Variants in COL19A1 observed in about 807,000 individuals in gnomAD.
COL19A1 encodes collagen alpha-1(XIX) chain.
COL19A1 carries 159 observed loss-of-function variants against 190.2 expected under a neutral mutation model. The ratio of observed to expected loss-of-function variants is 0.84; its 90% CI spans 0.73 to 0.95. The LOEUF is 0.95. Among genes scored for constraint, COL19A1 ranks in the 40% least tolerant of loss-of-function variants. COL19A1 has a pLI of 0.00. For missense variants in COL19A1, 1,418 were observed against 1,431.9 expected (o/e 0.99, Z 0.16); for synonymous variants, 509 against 458.9 (o/e 1.11, Z -1.39).
intron 15 of COL19A1, among the ~76,000 whole-genome samples, chr6:70,089,665 A>G (rs1226430327): frequency 6.6e-6 from 1 of 152,188 alleles, no homozygotes; most frequent in Non-Finnish European, 1.5e-5. Context: ...AAATGTGATG[A>G]CATATGCTTC....
intron 17 of COL19A1, among the ~76,000 whole-genome samples, chr6:70,126,202 C>A: frequency 6.6e-6 from 1 of 151,088 alleles, no homozygotes; most frequent in East Asian, 1.9e-4. Flanking sequence ...TTTCTTTTCA[C>A]ATATTAAATC....
chr6:70,122,004 A>G, intron 17 of COL19A1, 62 bp downstream of exon 17: 2 of 1,118,194 alleles, frequency 1.8e-6, no homozygotes, highest in Non-Finnish European at 2.6e-6. Context: ...TGTATTTTTG[A>G]AAAAAAACTT....
chr6:70,010,408 G>T (rs986056654), intron 11 of COL19A1, among the ~76,000 whole-genome samples: 4 of 142,436 alleles, frequency 2.8e-5, no homozygotes, highest in Non-Finnish European at 6.2e-5. Flanking sequence ...CAGCGTGAGC[G>T]ACGCAGAAGA....
At chr6:69,903,677 GGACCAA>G (rs1770335157) in intron 4 of COL19A1, among the ~76,000 whole-genome samples, 1 of 152,130 alleles carries the variant, frequency 6.6e-6, no homozygotes, top group South Asian at 2.1e-4. Flanking sequence ...TCCATAGCTG[GGACCAA>G]AAGCCTACTG....
chr6:70,141,428 G>A (rs1365609174), intron 20 of COL19A1, among the ~76,000 whole-genome samples: 2 of 151,932 alleles, frequency 1.3e-5, no homozygotes, highest in Non-Finnish European at 2.9e-5. Context: ...ATCCTCTTTT[G>A]TATAACCTTA....
chr6:70,024,910 G>A (rs1778645204), intron 12 of COL19A1, among the ~76,000 whole-genome samples: 1 of 152,170 alleles, frequency 6.6e-6, no homozygotes, highest in Admixed American at 6.5e-5. Context: ...GAGGCACGTG[G>A]TGAAGTGGGA....
chr6:69,867,166 G>A (rs1002678646), intron 1 of COL19A1, among the ~76,000 whole-genome samples: 1 of 151,402 alleles, frequency 6.6e-6, no homozygotes, highest in African/African-American at 2.4e-5. Context: ...GCTAAGAGAC[G>A]CGGGGTTCCG....
chr6:70,155,610 G>T (rs1354102507), intron 31 of COL19A1, among the ~76,000 whole-genome samples: 1 of 152,142 alleles, frequency 6.6e-6, no homozygotes, highest in Non-Finnish European at 1.5e-5. Flanking sequence ...TCTCTCGAGT[G>T]CCTCCACTGA....
intron 45 of COL19A1, 32 bp downstream of exon 45, chr6:70,184,770 T>C (rs1356196346): frequency 6.2e-7 from 1 of 1,602,052 alleles, no homozygotes; most frequent in African/African-American, 1.3e-5. Flanking sequence ...ATAAAAGTTA[T>C]AATGCATACT....
chr6:69,929,809 A>T (rs1562008370), intron 6 of COL19A1, 109 bp downstream of exon 6: 3 of 996,188 alleles, frequency 3.0e-6, no homozygotes, highest in Non-Finnish European at 4.2e-6. Flanking sequence ...CCTTCTCATC[A>T]ATTTTATTAA....
In COL19A1 at chr6:70,207,184, A is replaced by C. The variant is rs1200576; in HGVS notation, c.3339A>C (p.Pro1113=). Reference sequence around the variant, plus strand: ...CAGGCTCACCAGGTGCCCCAGGCCCACAGGGCCCCCCAGGACCCAGTGGAA... The same window carrying C: ...CAGGCTCACCAGGTGCCCCAGGCCCCCAGGGCCCCCCAGGACCCAGTGGAA... ...GLPGSPGAPG[P]QGPPGPSGRC... is the part of the protein sequence containing the mutation. The change falls in exon 51 of 51, where the codon CCA becomes CCC. Residue 1113 remains proline, a synonymous_variant. Transcript: ENST00000620364. 0.73 allele frequency: 1,170,730 copies of C among 1,613,436 alleles called. 426,361 individuals carry two copies. The highest frequency in any genetic ancestry group is 0.84 in the Admixed American group (50,397 of 59,936).
Position 70,206,920 on chromosome 6 carries a change from A to G in COL19A1, c.3243A>G (p.Gly1081=), listed in dbSNP as rs771825291. 6 of 1,613,690 alleles carry G rather than the reference A, an allele frequency of 3.7e-6. No individual in the cohort carries two copies. The highest frequency in any genetic ancestry group is 5.1e-6 in the Non-Finnish European group (6 of 1,179,866). The change falls in exon 50 of 51, where the codon GGA becomes GGG. Residue 1081 remains glycine, a synonymous_variant. Coordinates refer to ENST00000620364, the MANE Select transcript of COL19A1 (RefSeq NM_001858.6). ...PGPQGYRGQK[G]ERGEPGIGLP... ...ACTTAGGCTACAGAGGACAGAAGGG[A>G]GAAAGAGGTGAACCTGGAATTGGGC... is the stretch of plus-strand genomic sequence containing the variant.
At chr6:70,171,294 C>G (rs900998362) in intron 40 of COL19A1, among the ~76,000 whole-genome samples, 14 of 152,118 alleles carry the variant, frequency 9.2e-5, no homozygotes, top group African/African-American at 3.4e-4. Context: ...TCAGAGTTAG[C>G]AACTTCCTTC....
intron 11 of COL19A1, among the ~76,000 whole-genome samples, chr6:69,967,017 G>A (rs1775152453): frequency 6.6e-6 from 1 of 152,152 alleles, no homozygotes; most frequent in African/African-American, 2.4e-5. Context: ...CTTTTAAAAT[G>A]ATGATTATTT....
At chr6:70,088,793 T>C (rs1782738948) in intron 15 of COL19A1, among the ~76,000 whole-genome samples, 1 of 152,168 alleles carries the variant, frequency 6.6e-6, no homozygotes, top group African/African-American at 2.4e-5. Flanking sequence ...CAGCATATAA[T>C]AAACACTTAA....
intron 11 of COL19A1, among the ~76,000 whole-genome samples, chr6:70,009,709 C>A (rs1302332822): frequency 7.2e-6 from 1 of 138,194 alleles, no homozygotes; most frequent in African/African-American, 3.4e-5. Flanking sequence ...TAATGATAAT[C>A]AAGGAAGTGT....
intron 44 of COL19A1, among the ~76,000 whole-genome samples, chr6:70,181,656 A>AACACACACAC (rs56362588): frequency 6.9e-4 from 102 of 147,926 alleles, no homozygotes; most frequent in Admixed American, 1.4e-3. Flanking sequence ...AGATAAAAAC[A>AACACACACAC]ACACACACAC....
chr6:69,870,224 A>C (rs775301461), intron 1 of COL19A1, among the ~76,000 whole-genome samples: 1 of 152,236 alleles, frequency 6.6e-6, no homozygotes, highest in Non-Finnish European at 1.5e-5. Context: ...ATACCTACTA[A>C]ATGTCAAGTT....
chr6:70,092,363 A>C (rs1023977602), intron 15 of COL19A1, among the ~76,000 whole-genome samples: 10 of 152,162 alleles, frequency 6.6e-5, no homozygotes, highest in African/African-American at 2.4e-4. Context: ...AAGTCTGTCT[A>C]AATGCCTGTT....
Sources: allele counts gnomAD v4.1 joint callset (sites outside exome capture counted in the v4.1 genomes callset), GRCh38; gene constraint gnomAD v4.1.1; transcripts MANE v1.5; gene names NCBI Gene and HGNC (gene_info 2026-07-23, HGNC 2026-07-21).